The following TBC1D22B variants were observed in gnomAD, a reference collection of about 807,000 sequenced individuals.
TBC1D22B encodes TBC1 domain family member 22B.
A neutral mutation model predicts 69.1 loss-of-function variants in TBC1D22B; 32 were observed. The observed-to-expected ratio is 0.46, with a 90% CI of 0.35 to 0.62. TBC1D22B has a LOEUF of 0.62. TBC1D22B is among the 20% of genes least tolerant of loss of function. The pLI is 0.00. For missense variants in TBC1D22B, 462 were observed against 630.9 expected (o/e 0.73, Z 2.87); for synonymous variants, 206 against 229.8 (o/e 0.90, Z 0.94).
Position 37,284,422 on chromosome 6 carries a change from T to C in TBC1D22B, c.759T>C (p.Tyr253=). 1 of 1,608,714 alleles carries C rather than the reference T, an allele frequency of 6.2e-7. No homozygotes were observed. The highest frequency in any genetic ancestry group is 8.5e-7 in the Non-Finnish European group (1 of 1,177,922). Reference sequence around the variant, plus strand: ...ATTTTGGCTTCATTGAACAGTATTATGACTCTCGAAACGAGGAACATCACC... The same window carrying C: ...ATTTTGGCTTCATTGAACAGTATTACGACTCTCGAAACGAGGAACATCACC... The part of the protein sequence containing the change: ...EEYFGFIEQY[Y]DSRNEEHHQD... The change falls in exon 6 of 13, where the codon TAT becomes TAC. Residue 253 remains tyrosine (Y), a synonymous_variant. Transcript: ENST00000373491.
chr6:37,299,768 G>A (rs886987078), intron 8 of TBC1D22B, among the ~76,000 whole-genome samples: 1 of 152,136 alleles, frequency 6.6e-6, no homozygotes, highest in Non-Finnish European at 1.5e-5. Flanking sequence ...CCAGCACTTT[G>A]GGAGGCTGAG....
At chr6:37,276,203 GAT>G (rs1766666960) in intron 2 of TBC1D22B, among the ~76,000 whole-genome samples, 2 of 152,078 alleles carry the variant, frequency 1.3e-5, no homozygotes, top group South Asian at 4.1e-4. Context: ...GACCTCAGGT[GAT>G]CTGCCTGTCT....
At chr6:37,313,140 G>GCTC in intron 9 of TBC1D22B, 116 bp downstream of exon 9, 1 of 757,004 alleles carries the variant, frequency 1.3e-6, no homozygotes, top group Middle Eastern at 3.2e-4. Flanking sequence ...ACCCACTATG[G>GCTC]CTCCTCCTCC....
Position 37,282,286 on chromosome 6 carries a change from G to C in TBC1D22B, c.523G>C (p.Ala175Pro), listed in dbSNP as rs778955950. The C allele has an allele frequency of 1.5e-5, 25 of 1,613,798 alleles. No homozygotes were observed. Among genetic ancestry groups the C allele is most frequent in the South Asian group, 4.4e-5 (4 of 91,048 alleles). Residue 175 changes from alanine (A) to proline (P), a missense_variant, in exon 4 of 13, where the codon GCC (alanine) becomes CCC (proline). Transcript: ENST00000373491. ...ARISDQNASG[A>P]PPMTVREKTR... ...GATCTCGGATCAGAACGCTTCTGGGGCCCCCCCAATGACTGTCCGGGAGAA... is the reference window on the plus strand; with the variant it reads ...GATCTCGGATCAGAACGCTTCTGGGCCCCCCCCAATGACTGTCCGGGAGAA...
chr6:37,259,828 A>G (rs546755972), intron 1 of TBC1D22B, among the ~76,000 whole-genome samples: 11 of 152,328 alleles, frequency 7.2e-5, no homozygotes, highest in African/African-American at 2.6e-4. Flanking sequence ...TACTTTCCTC[A>G]GAGTTACTGT....
At chr6:37,330,222 CTTTTTTTTTTTTTTTTTTTTTT>C (rs67372032) in intron 12 of TBC1D22B, among the ~76,000 whole-genome samples, 7 of 75,582 alleles carry the variant, frequency 9.3e-5, no homozygotes, top group Non-Finnish European at 1.7e-4. Flanking sequence ...TTGTCCGTTT[CTTTTTTTTTTTTTTTTTTTTTT>C]TTTTTTTTTT....
chr6:37,306,255 A>C (rs1767715192), intron 8 of TBC1D22B, among the ~76,000 whole-genome samples: 1 of 152,122 alleles, frequency 6.6e-6, no homozygotes, highest in Non-Finnish European at 1.5e-5. Context: ...GGATGTGCAC[A>C]TTTGCTCTCT....
In TBC1D22B at chr6:37,331,328, T is replaced by TC. The variant is rs1768577417; in HGVS notation, c.*158dup. On this transcript the variant is annotated 3_prime_UTR_variant, in exon 13 of 13. Transcript: ENST00000373491. The stretch of plus-strand genomic sequence containing the variant: ...GTCTTAACTTTCTGGCATCCACCAC[T>TC]CCATGTCTCTGGATGTGTCACTTGG... 1.5e-6 allele frequency: 1 copy of TC among 678,504 alleles called. No individual in the cohort carries two copies. Among genetic ancestry groups the TC allele is most frequent in the African/African-American group, 1.8e-5 (1 of 55,922 alleles). The allele number at this position is 678,504 out of a possible 1,614,324, so 42.0% of individuals were successfully genotyped here.
chr6:37,275,211 C>T (rs1482351071), intron 2 of TBC1D22B, among the ~76,000 whole-genome samples: 1 of 152,188 alleles, frequency 6.6e-6, no homozygotes, highest in Non-Finnish European at 1.5e-5. Context: ...TTTGCTGCAA[C>T]TACTGGGGTC....
At chr6:37,258,796 TGA>T (rs1189225612) in intron 1 of TBC1D22B, among the ~76,000 whole-genome samples, 1 of 152,158 alleles carries the variant, frequency 6.6e-6, no homozygotes, top group Non-Finnish European at 1.5e-5. Flanking sequence ...GGCAAAGTCC[TGA>T]GAAGTATAAG....
Position 37,327,349 on chromosome 6 carries a change from G to C in TBC1D22B, c.1390-3695G>C, listed in dbSNP as rs979320171. Among the ~76,000 whole-genome samples, 16 of 134,094 alleles carry C rather than the reference G, an allele frequency of 1.2e-4. 2 individuals carry two copies. In the Admixed American group the frequency reaches 1.2e-3, roughly 10 times the overall value. The allele number at this position is 134,094 out of a possible 152,430, so 88.0% of individuals were successfully genotyped here. On this transcript the variant is annotated intron_variant, in intron 12 of 12. Transcript: ENST00000373491. ...AAAAATTAGCCGGGCGTGGTGGTGG[G>C]CGCCTGTAGTCCCAGCTGCTCGGGA...
chr6:37,313,205 G>A (rs1248103740), intron 9 of TBC1D22B, among the ~76,000 whole-genome samples, 181 bp downstream of exon 9: 1 of 152,012 alleles, frequency 6.6e-6, no homozygotes, highest in East Asian at 1.9e-4. Context: ...AACAGCAATG[G>A]TGGGTCGGGC....
chr6:37,306,755 C>G (rs1159905752), intron 8 of TBC1D22B, among the ~76,000 whole-genome samples: 2 of 152,204 alleles, frequency 1.3e-5, no homozygotes, highest in Admixed American at 6.5e-5. Flanking sequence ...CTATACTGAG[C>G]AGCCAGAGTT....
chr6:37,260,109 C>T (rs1385762431), intron 1 of TBC1D22B, among the ~76,000 whole-genome samples: 6 of 152,158 alleles, frequency 3.9e-5, no homozygotes, highest in Non-Finnish European at 7.4e-5. Context: ...GTGAAGCCCA[C>T]AAGCCTCTGG....
At position 37,291,493 on chromosome 6, in the gene TBC1D22B, A is replaced by G. The variant is rs557042064; in HGVS notation, c.982+136A>G. On this transcript the variant is annotated intron_variant, in intron 8 of 12. Transcript: ENST00000373491. ...GAGAGTGCCTTTGGCATACACAGCT[A>G]AAACTACTTTTAACAGCGGTTGCTG... 1.7e-5 allele frequency: 10 copies of G among 591,360 alleles called. No homozygotes were observed. In the African/African-American group the frequency reaches 1.9e-4, roughly 11 times the overall value. The allele number at this position is 591,360 out of a possible 1,614,324, so 36.6% of individuals were successfully genotyped here.
intron 1 of TBC1D22B, among the ~76,000 whole-genome samples, chr6:37,263,605 C>G (rs112092422): frequency 0.032 from 4,853 of 152,156 alleles, 244 homozygotes; most frequent in African/African-American, 0.11. Context: ...GTTTTTTTGA[C>G]ATGGAGTCTT....
chr6:37,258,259 G>A, intron 1 of TBC1D22B: 1 of 452,298 alleles, frequency 2.2e-6, no homozygotes, highest in Non-Finnish European at 4.0e-6. Context: ...GGAGTTGGGT[G>A]AATAGTCAGT....
intron 12 of TBC1D22B, among the ~76,000 whole-genome samples, chr6:37,322,150 C>T (rs1322042741): frequency 1.3e-5 from 2 of 152,180 alleles, no homozygotes; most frequent in Non-Finnish European, 2.9e-5. Context: ...AGCAGTGAGC[C>T]TGAAGAGGAC....
At chr6:37,310,780 A>G (rs1276404827) in intron 8 of TBC1D22B, among the ~76,000 whole-genome samples, 1 of 152,208 alleles carries the variant, frequency 6.6e-6, no homozygotes, top group Admixed American at 6.5e-5. Context: ...TTTTTTGGTG[A>G]TAAAAGGCAG....
Sources: gnomAD v4.1 joint callset for allele counts (sites outside exome capture counted in the v4.1 genomes callset) on GRCh38, gnomAD v4.1.1 for gene constraint, MANE v1.5 for transcripts, NCBI Gene and HGNC (gene_info 2026-07-23, HGNC 2026-07-21) for gene names.